The following MYO18B variants were observed in gnomAD, a reference collection of about 807,000 sequenced individuals.
MYO18B encodes unconventional myosin-XVIIIb.
Under a neutral mutation model 273.0 loss-of-function variants are expected in MYO18B, and 204 were observed. The observed-to-expected ratio is 0.75, with a 90% CI of 0.67 to 0.84. The LOEUF (loss-of-function observed/expected upper bound fraction) is 0.84, where lower values mean the gene tolerates loss of function less well. MYO18B is among the 40% of genes least tolerant of loss of function. The pLI is 0.00. For synonymous variants in MYO18B, 1,330 were observed against 1,305.7 expected (o/e 1.02, Z -0.40); for missense variants, 3,212 against 3,287.6 (o/e 0.98, Z 0.56).
rs764275992 is a variant in MYO18B at position 26,030,698 on chromosome 22, G to A, written c.*268G>A. The A allele has an allele frequency of 2.1e-5, 8 of 378,818 alleles. No individual in the cohort carries two copies. Among genetic ancestry groups the A allele is most frequent in the Admixed American group, 4.5e-5 (1 of 22,052 alleles). The allele number at this position is 378,818 out of a possible 1,614,324, so 23.5% of individuals were successfully genotyped here. A position where few individuals can be genotyped will look rare whatever the true frequency, so the allele number is the denominator to read the frequency against. Reference sequence around the variant, plus strand: ...TGGGATTCCAGAGAGTTGATGGGGTGCAGATAGGGGTAGGACTGTTAGAAT... The same window carrying A: ...TGGGATTCCAGAGAGTTGATGGGGTACAGATAGGGGTAGGACTGTTAGAAT... On this transcript the variant is annotated 3_prime_UTR_variant, in exon 44 of 44. Transcript: ENST00000335473.
At chr22:25,744,885 G>T (rs2146516640) in intron 1 of MYO18B, among the ~76,000 whole-genome samples, 1 of 152,308 alleles carries the variant, frequency 6.6e-6, no homozygotes, top group South Asian at 2.1e-4. Flanking sequence ...CTGAGGCACA[G>T]AGAGGGAAAG....
chr22:25,780,892 A>G (rs1432397120), intron 9 of MYO18B, among the ~76,000 whole-genome samples: 1 of 152,136 alleles, frequency 6.6e-6, no homozygotes, highest in Non-Finnish European at 1.5e-5. Context: ...CGTGTGACGA[A>G]CACATGGCCT....
intron 1 of MYO18B, among the ~76,000 whole-genome samples, chr22:25,744,018 G>A (rs1056529796): frequency 6.6e-6 from 1 of 152,212 alleles, no homozygotes; most frequent in African/African-American, 2.4e-5. Flanking sequence ...AACCTCACAG[G>A]TGGTTCTGGT....
intron 15 of MYO18B, among the ~76,000 whole-genome samples, chr22:25,831,671 C>T (rs575681487): frequency 7.4e-4 from 113 of 152,352 alleles, no homozygotes; most frequent in African/African-American, 2.1e-3. Flanking sequence ...GCATGAGCCA[C>T]AGCATCCGGC....
At chr22:25,751,148 T>G (rs368760979) in intron 1 of MYO18B, among the ~76,000 whole-genome samples, 3 of 152,214 alleles carry the variant, frequency 2.0e-5, no homozygotes, top group African/African-American at 7.2e-5. Context: ...TATTGAGTAA[T>G]GCAGAAATCC....
intron 21 of MYO18B, among the ~76,000 whole-genome samples, chr22:25,861,238 C>T (rs1052795174): frequency 2.0e-5 from 3 of 152,092 alleles, no homozygotes; most frequent in South Asian, 2.1e-4. Flanking sequence ...TCAGGTATTA[C>T]GCTCTCCAAC....
chr22:25,992,184 C>T (rs889101141), intron 39 of MYO18B, among the ~76,000 whole-genome samples, 179 bp from the exon 40 acceptor site: 2 of 152,192 alleles, frequency 1.3e-5, no homozygotes, highest in Non-Finnish European at 2.9e-5. Context: ...AAACTTGGAA[C>T]ACCTGGTTGA....
chr22:25,789,129 C>T lies in MYO18B; in HGVS notation c.2376+3638C>T, dbSNP rs1471567201. Among the ~76,000 whole-genome samples, 3 of 143,578 alleles carry T rather than the reference C, an allele frequency of 2.1e-5. No individual in the cohort carries two copies. In the South Asian group the frequency reaches 7.5e-4, roughly 36 times the overall value. The allele number at this position is 143,578 out of a possible 152,430, so 94.2% of individuals were successfully genotyped here. A position where few individuals can be genotyped will look rare whatever the true frequency, so the allele number is the denominator to read the frequency against. ...CCTCCTCCTCCTCCTCCTCCTCTTC[C>T]TCCTCCTCCTCCTCCTCCATCATCA... On this transcript the variant is annotated intron_variant, in intron 11 of 43. Transcript: ENST00000335473.
At chr22:26,063,189 A>G in the MYO18B span, among the ~76,000 whole-genome samples, 2 of 152,226 alleles carry the variant, frequency 1.3e-5, no homozygotes, top group African/African-American at 4.8e-5. Context: ...TGATATTCAG[A>G]TTAATAAATG....
chr22:26,055,612 CTT>C, the MYO18B span, among the ~76,000 whole-genome samples: 2 of 152,190 alleles, frequency 1.3e-5, no homozygotes, highest in African/African-American at 4.8e-5. Context: ...CTTTGAAACT[CTT>C]TATCTTTCTG....
At chr22:25,882,737 T>G (rs1259121245) in intron 25 of MYO18B, among the ~76,000 whole-genome samples, 3 of 152,222 alleles carry the variant, frequency 2.0e-5, no homozygotes, top group Non-Finnish European at 2.9e-5. Context: ...CGGTCACTTT[T>G]ACATTAAAAA....
rs1252587071 is a variant in MYO18B, at chr22:25,883,397, G to A, written c.4314+5349G>A. On this transcript the variant is annotated intron_variant, in intron 25 of 43. Transcript: ENST00000335473. This position sits in a 1 kb window ranked among gnomAD's most constrained non-coding sequence, Gnocchi z 7.6. ...ACTTGCAAATGTGTCAGAATGCCCT[G>A]TAAGACTTCTCCGAATACAGATTGC... The A allele has an allele frequency of 6.6e-6, 1 of 152,192 alleles. No homozygotes were observed. The highest frequency in any genetic ancestry group is 2.1e-4 in the South Asian group (1 of 4,834). 9.4% of individuals were successfully genotyped at this position (152,192 alleles called of 1,614,324 possible). A position where few individuals can be genotyped will look rare whatever the true frequency, so the allele number is the denominator to read the frequency against.
chr22:25,939,248 A>G (rs766078738), intron 34 of MYO18B, among the ~76,000 whole-genome samples: 6 of 152,208 alleles, frequency 3.9e-5, no homozygotes, highest in East Asian at 1.9e-4. Flanking sequence ...AAGGGAAGTT[A>G]TTGGCCAAAA....
At chr22:25,876,044 G>C in intron 23 of MYO18B, 145 bp from the exon 24 acceptor site, 1 of 418,442 alleles carries the variant, frequency 2.4e-6, no homozygotes, top group East Asian at 3.8e-5. Flanking sequence ...GTGTGTGTGT[G>C]TATGTGTTTT....
intron 12 of MYO18B, among the ~76,000 whole-genome samples, chr22:25,804,081 A>G (rs1432417915): frequency 1.4e-5 from 2 of 145,542 alleles, no homozygotes; most frequent in African/African-American, 5.6e-5. Context: ...AAACAAAAAC[A>G]CGCCAACACT....
intron 21 of MYO18B, among the ~76,000 whole-genome samples, chr22:25,855,693 A>C (rs1003533429): frequency 1.3e-5 from 2 of 152,154 alleles, no homozygotes; most frequent in African/African-American, 4.8e-5. Flanking sequence ...TACTATTGCA[A>C]ATGGTGCTGC....
chr22:25,863,066 C>G (rs1601392093), intron 21 of MYO18B, among the ~76,000 whole-genome samples: 1 of 152,258 alleles, frequency 6.6e-6, no homozygotes, highest in East Asian at 1.9e-4. Flanking sequence ...AGTTTGCTGA[C>G]TCTTTCATTT....
chr22:26,025,096 T>C (rs1036906795), intron 42 of MYO18B, among the ~76,000 whole-genome samples: 1 of 152,146 alleles, frequency 6.6e-6, no homozygotes, highest in Non-Finnish European at 1.5e-5. Context: ...CCTAATATCA[T>C]CATATTGAGG....
the MYO18B span, among the ~76,000 whole-genome samples, chr22:26,048,849 C>T: frequency 6.6e-6 from 1 of 152,178 alleles, no homozygotes; most frequent in Non-Finnish European, 1.5e-5. Flanking sequence ...CTGCTTTCAG[C>T]TCTTTCAGGA....
Sources: gnomAD v4.1 joint callset for allele counts (sites outside exome capture counted in the v4.1 genomes callset) on GRCh38, gnomAD v4.1.1 for gene constraint, Gnocchi (gnomAD v3.1) non-coding constraint, MANE v1.5 for transcripts, NCBI Gene and HGNC (gene_info 2026-07-23, HGNC 2026-07-21) for gene names.